ATG2B: variants seen among roughly 807,000 people sequenced by gnomAD.
ATG2B encodes the protein autophagy-related protein 2 homolog B.
In ATG2B, 121 loss-of-function variants were observed where a neutral mutation model predicts 241.3. The observed-to-expected ratio is 0.50, with a 90% confidence interval of 0.43 to 0.58. The LOEUF (loss-of-function observed/expected upper bound fraction) is 0.58, where lower values mean the gene tolerates loss of function less well. Among genes scored for constraint, ATG2B ranks in the 20% least tolerant of loss-of-function variants. The pLI, the probability that ATG2B is intolerant of heterozygous loss-of-function variation, is 0.00. For synonymous variants in ATG2B, 858 were observed against 876.6 expected, an observed-to-expected ratio of 0.98 and a Z score of 0.37; for missense variants, 2,306 against 2,491.6, an observed-to-expected ratio of 0.93 and a Z score of 1.59.
chr14:96,341,611 G>T lies in ATG2B; in HGVS notation c.835C>A (p.Pro279Thr), dbSNP rs1317174188. Reference protein sequence around the residue: ...QLTRNLPEIAPSDPVQIGRLI... With the variant: ...QLTRNLPEIATSDPVQIGRLI... ...CGTCCAATCTGCACTGGGTCAGAAG[G>T]TGCTATCTCTGGTAAATTTCTAGTT... The change falls in exon 6 of 42, where the codon CCT (proline) becomes ACT (threonine). Residue 279 changes from proline to threonine, a missense_variant. By Grantham distance (38) the Pro-to-Thr change is conservative. Around this residue, in one of 2 missense-constraint regions of ATG2B, gnomAD observed 1,927 missense variants for 2,011.2 expected, o/e 0.96. Transcript: ENST00000359933. 1 of 1,604,460 alleles carries T rather than the reference G, an allele frequency of 6.2e-7. No individual in the cohort carries two copies. Among genetic ancestry groups the T allele is most frequent in the Non-Finnish European group, 8.5e-7 (1 of 1,174,284 alleles).
intron 17 of ATG2B, 70 bp downstream of exon 17, chr14:96,322,470 A>G: frequency 6.8e-7 from 1 of 1,475,986 alleles, no homozygotes; most frequent in Non-Finnish European, 9.0e-7. Context: ...TTAAAAATAA[A>G]AAATCAAAAG....
chr14:96,316,059 G>A (rs1199710222), intron 21 of ATG2B, among the ~76,000 whole-genome samples: 1 of 152,198 alleles, frequency 6.6e-6, no homozygotes, highest in African/African-American at 2.4e-5. Flanking sequence ...TTGAAAGCGT[G>A]TCAAATGAAA....
At position 96,313,330 on chromosome 14, in the gene ATG2B, T is replaced by G; in HGVS notation, c.3748A>C (p.Arg1250=). The G allele has an allele frequency of 6.4e-7, 1 of 1,572,642 alleles. No homozygotes were observed. The highest frequency in any genetic ancestry group is 8.6e-7 in the Non-Finnish European group (1 of 1,162,990). ...ATTTTGTTCCATTTGTGAACTTACC[T>G]ATAATCAAGTGCACAGCTCCAAAGA... ...VHLWSCALDY[R]PLYLPIRSLL... is the part of the protein sequence containing the mutation. The change falls in exon 24 of 42, where the codon AGA becomes CGA. Residue 1250 remains arginine, a splice_region_variant and synonymous_variant. Coordinates refer to ENST00000359933, the MANE Select transcript of ATG2B (RefSeq NM_018036.7).
chr14:96,312,649 G>A (rs1325919660), intron 25 of ATG2B, among the ~76,000 whole-genome samples: 1 of 152,012 alleles, frequency 6.6e-6, no homozygotes, highest in African/African-American at 2.4e-5. Flanking sequence ...ACTCAGTAGG[G>A]TGAGGGCAAA....
chr14:96,354,969 T>C (rs1888435055), intron 1 of ATG2B, among the ~76,000 whole-genome samples: 1 of 152,238 alleles, frequency 6.6e-6, no homozygotes, highest in East Asian at 1.9e-4. Flanking sequence ...TTCACATCCT[T>C]TGCCCACTTT....
intron 34 of ATG2B, among the ~76,000 whole-genome samples, chr14:96,297,159 A>C (rs1886665705): frequency 6.6e-6 from 1 of 152,022 alleles, no homozygotes; most frequent in Non-Finnish European, 1.5e-5. Context: ...ACCAAATATT[A>C]CATGTTTACA....
At chr14:96,309,980 G>A (rs989124098) in intron 28 of ATG2B, among the ~76,000 whole-genome samples, 14 of 152,106 alleles carry the variant, frequency 9.2e-5, no homozygotes, top group African/African-American at 2.9e-4. Context: ...CCTGTAGGAC[G>A]AGGCCTCATT....
chr14:96,286,099 AC>A (rs1371060372), intron 41 of ATG2B, 114 bp from the exon 42 acceptor site: 1 of 719,156 alleles, frequency 1.4e-6, no homozygotes. Context: ...TATGTTTGTA[AC>A]CAGACAAAAA....
Position 96,290,854 on chromosome 14 carries a change from G to C in ATG2B, c.5661C>G (p.Ile1887Met), listed in dbSNP as rs181209044. The part of the protein sequence containing the change: ...NDIKKNQLPG[I>M]LGGVGPMHSL... ...AATGCATAGGTCCAACACCTCCCAG[G>C]ATTCCTGGTAGCTGGTTCTTCTTAA... Residue 1887 changes from isoleucine to methionine, a missense_variant, in exon 39 of 42, where the codon ATC (isoleucine) becomes ATG (methionine). This residue lies in a region of ATG2B where 379 missense variants were observed against 480.4 expected (regional missense o/e 0.79). Transcript: ENST00000359933. The surrounding 1 kb of genome is among the most constrained non-coding windows in gnomAD (Gnocchi z 4.4). The C allele has an allele frequency of 1.9e-6, 3 of 1,613,944 alleles. No homozygotes were observed. The African/African-American group carries it at 4.0e-5, about 22-fold the overall frequency.
rs763597513 is a variant in ATG2B at position 96,311,202 on chromosome 14, A to C, written c.4076T>G (p.Leu1359Arg). The C allele has an allele frequency of 6.2e-7, 1 of 1,613,982 alleles. No individual in the cohort carries two copies. The highest frequency in any genetic ancestry group is 8.5e-7 in the Non-Finnish European group (1 of 1,179,876). The change falls in exon 28 of 42, where the codon CTC becomes CGC. Residue 1359 changes from leucine (L) to arginine (R), a missense_variant. Coordinates refer to ENST00000359933, the MANE Select transcript of ATG2B (RefSeq NM_018036.7). ...ACCATAGCTTGCAATGTACTGAATGAGATTCATTAACGCAGCACAAGAGTC... is the reference window on the plus strand; with the variant it reads ...ACCATAGCTTGCAATGTACTGAATGCGATTCATTAACGCAGCACAAGAGTC... ...CSDSCAALMN[L>R]IQYIASYGDL...
At chr14:96,316,218 T>C (rs1456847380) in intron 21 of ATG2B, among the ~76,000 whole-genome samples, 1 of 152,194 alleles carries the variant, frequency 6.6e-6, no homozygotes, top group Non-Finnish European at 1.5e-5. Flanking sequence ...GTGTATGAAA[T>C]TTCTTCATGG....
intron 10 of ATG2B, among the ~76,000 whole-genome samples, chr14:96,331,860 C>G (rs1316001420): frequency 6.6e-6 from 1 of 152,076 alleles, no homozygotes; most frequent in Non-Finnish European, 1.5e-5. Context: ...AGTAAATGTA[C>G]AAACCAAGCT....
chr14:96,284,689 T>C lies in ATG2B; in HGVS notation c.*1066A>G, dbSNP rs1886289497. On this transcript the variant is annotated 3_prime_UTR_variant, in exon 42 of 42. Transcript: ENST00000359933. ...ATTATCTTGTGGTAAATCACAGTAC[T>C]GCATCTATGAATATGCTCTAAGAAA... The C allele has an allele frequency of 6.6e-6, 1 of 152,232 alleles. No homozygotes were observed. The highest frequency in any genetic ancestry group is 6.5e-5 in the Admixed American group (1 of 15,284). 9.4% of individuals were successfully genotyped at this position (152,232 alleles called of 1,614,324 possible).
intron 14 of ATG2B, 32 bp downstream of exon 14, chr14:96,328,313 TTA>T (rs762380211): frequency 6.7e-6 from 10 of 1,487,758 alleles, no homozygotes; most frequent in Non-Finnish European, 9.2e-6. Flanking sequence ...CTAACCATAA[TTA>T]TGATTAGTAT....
Position 96,304,596 on chromosome 14 carries a change from G to T in ATG2B, c.4741C>A (p.His1581Asn). The T allele has an allele frequency of 6.3e-7, 1 of 1,597,166 alleles. No homozygotes were observed. ...GTGGGTGTGTGAGAAGGCGAACTGTGGGGACTACTAAAAATGAGCAAAAAA... is the reference window on the plus strand; with the variant it reads ...GTGGGTGTGTGAGAAGGCGAACTGTTGGGACTACTAAAAATGAGCAAAAAA... The part of the protein sequence containing the change: ...TSPAKSYISP[H>N]SSPSHTPTRH... Residue 1581 changes from histidine to asparagine, a missense_variant, in exon 32 of 42, where the codon CAC (histidine) becomes AAC (asparagine). Coordinates refer to ENST00000359933, the MANE Select transcript of ATG2B (RefSeq NM_018036.7).
At position 96,353,677 on chromosome 14, in the gene ATG2B, A is replaced by T. The variant is rs564151215; in HGVS notation, c.163-6336T>A. On this transcript the variant is annotated intron_variant, in intron 1 of 41. Coordinates refer to ENST00000359933, the MANE Select transcript of ATG2B (RefSeq NM_018036.7). ...ATATATATAAATCATTAAAGGAATT[A>T]AAATGTTACACTAGAAAATATTTGC... Among the ~76,000 whole-genome samples the T allele has an allele frequency of 1.1e-4, 17 of 151,386 alleles. 1 individual carries two copies. The highest frequency in any genetic ancestry group is 7.9e-4 in the Admixed American group (12 of 15,212).
chr14:96,296,710 G>A (rs1028218640), intron 34 of ATG2B, among the ~76,000 whole-genome samples: 2 of 149,466 alleles, frequency 1.3e-5, no homozygotes, highest in East Asian at 3.9e-4. Flanking sequence ...GCAGTGAGCA[G>A]AGATCACGCC....
intron 1 of ATG2B, among the ~76,000 whole-genome samples, chr14:96,355,079 T>C (rs758376520): frequency 3.3e-5 from 5 of 152,140 alleles, no homozygotes; most frequent in Non-Finnish European, 5.9e-5. Flanking sequence ...TTTTCTCCCA[T>C]TCTGTAGGCT....
At chr14:96,336,530 T>C (rs1887873506) in intron 6 of ATG2B, among the ~76,000 whole-genome samples, 1 of 152,144 alleles carries the variant, frequency 6.6e-6, no homozygotes, top group Admixed American at 6.5e-5. Context: ...AAAAGTAACA[T>C]ATATTTATAC....
Sources: allele counts gnomAD v4.1 joint callset (sites outside exome capture counted in the v4.1 genomes callset), GRCh38; gene constraint gnomAD v4.1.1; regional missense constraint gnomAD v4.1.1; non-coding constraint Gnocchi (gnomAD v3.1); transcripts MANE v1.5; gene names NCBI Gene and HGNC (gene_info 2026-07-23, HGNC 2026-07-21).